Variants in CUL9 observed in about 807,000 individuals in gnomAD.
CUL9 encodes the protein cullin-9.
A neutral mutation model predicts 272.6 loss-of-function variants in CUL9; 79 were observed. The ratio of observed to expected loss-of-function variants is 0.29; its 90% CI spans 0.24 to 0.35. The LOEUF is 0.35. Among genes scored for constraint, CUL9 ranks in the 10% least tolerant of loss-of-function variants. The pLI, the probability that CUL9 is intolerant of heterozygous loss-of-function variation, is 1.00. For synonymous variants in CUL9, 1,186 were observed against 1,286.5 expected, an observed-to-expected ratio of 0.92 and a Z score of 1.67; for missense variants, 2,532 against 3,255.6, an observed-to-expected ratio of 0.78 and a Z score of 5.41.
In CUL9 at chr6:43,213,658, C is replaced by T. The variant is rs897979502; in HGVS notation, c.5489-55C>T. The T allele has an allele frequency of 3.2e-5, 52 of 1,606,224 alleles. No individual in the cohort carries two copies. In the Admixed American group the frequency reaches 6.5e-4, roughly 20 times the overall value. Reference sequence around the variant, plus strand: ...ACTGTGAGAATGGGGTCATCTTAGTCCCCATTCATCTGTCCCTCTGCCTCC... The same window carrying T: ...ACTGTGAGAATGGGGTCATCTTAGTTCCCATTCATCTGTCCCTCTGCCTCC... On this transcript the variant is annotated intron_variant, in intron 28 of 40. Transcript: ENST00000252050. This position sits in a 1 kb window ranked among gnomAD's most constrained non-coding sequence, Gnocchi z 5.7.
At chr6:43,195,148 A>G (rs1773887575) in intron 9 of CUL9, among the ~76,000 whole-genome samples, 1 of 152,196 alleles carries the variant, frequency 6.6e-6, no homozygotes, top group Non-Finnish European at 1.5e-5. Flanking sequence ...GTGTAACTAC[A>G]GGGAGAAAGC....
chr6:43,206,778 G>A lies in CUL9; in HGVS notation c.5212+268G>A, dbSNP rs1775079123. Among the ~76,000 whole-genome samples the A allele has an allele frequency of 6.6e-6, 1 of 152,118 alleles. No individual in the cohort carries two copies. The highest frequency in any genetic ancestry group is 1.5e-5 in the Non-Finnish European group (1 of 68,030). ...TTTTCAGACTTTTTTCCAAATAAAA[G>A]TGTTTAAGACTATTCATTTCCCTCT... On this transcript the variant is annotated intron_variant, in intron 26 of 40. Transcript: ENST00000252050. The surrounding 1 kb of genome is among the most constrained non-coding windows in gnomAD (Gnocchi z 4.8).
rs774405809 is a variant in CUL9, at chr6:43,223,359, C to G, written c.7246C>G (p.Gln2416Glu). The part of the protein sequence containing the change: ...STGMELLRRI[Q>E]ERLLAILQHS... ...GGGCATGGAGCTGCTCCGGCGGATC[C>G]AGGAGAGGCTGCTTGCCATCCTGCA... Residue 2416 changes from glutamine (Q) to glutamate (E), a missense_variant, in exon 39 of 41, where the codon CAG becomes GAG. Transcript: ENST00000252050. This position sits in a 1 kb window ranked among gnomAD's most constrained non-coding sequence, Gnocchi z 4.1. 1 of 1,601,450 alleles carries G rather than the reference C, an allele frequency of 6.2e-7. No homozygotes were observed. Among genetic ancestry groups the G allele is most frequent in the African/African-American group, 1.3e-5 (1 of 74,836 alleles).
rs1774434771 is a variant in CUL9 at position 43,200,564 on chromosome 6, A to C, written c.3475+38A>C. On this transcript the variant is annotated intron_variant, in intron 15 of 40. Transcript: ENST00000252050. The surrounding 1 kb of genome is among the most constrained non-coding windows in gnomAD (Gnocchi z 4.0). ...ATCTGCTTTCTCCTGGCTCCCATCCAGTGTCTGTTCTCCCCTTCCCTTCCT... is the reference window on the plus strand; with the variant it reads ...ATCTGCTTTCTCCTGGCTCCCATCCCGTGTCTGTTCTCCCCTTCCCTTCCT... The C allele has an allele frequency of 1.2e-6, 2 of 1,613,902 alleles. No individual in the cohort carries two copies. The highest frequency in any genetic ancestry group is 2.2e-5 in the South Asian group (2 of 91,062).
Position 43,204,516 on chromosome 6 carries a change from C to T in CUL9, c.4316C>T (p.Ser1439Phe), listed in dbSNP as rs756740423. Residue 1439 changes from serine to phenylalanine, a missense_variant, in exon 21 of 41, where the codon TCT (serine) becomes TTT (phenylalanine). Ser to Phe is a radical substitution (Grantham distance 155). Transcript: ENST00000252050. ...CATGTGGAACCTCCTCCTGGGCCTT[C>T]TCCTGAGCCATCCACTCGGCCCTGT... ...LVHVEPPPGPSPEPSTRPFSK... is the reference protein window; with the variant it reads ...LVHVEPPPGPFPEPSTRPFSK... 1 of 1,614,144 alleles carries T rather than the reference C, an allele frequency of 6.2e-7. No individual in the cohort carries two copies. Among genetic ancestry groups the T allele is most frequent in the East Asian group, 2.2e-5 (1 of 44,866 alleles).
Position 43,203,355 on chromosome 6 carries a change from G to C in CUL9, c.3850-62G>C, listed in dbSNP as rs1257677399. The C allele has an allele frequency of 1.2e-6, 2 of 1,606,258 alleles. No homozygotes were observed. Among genetic ancestry groups the C allele is most frequent in the African/African-American group, 2.7e-5 (2 of 74,746 alleles). The stretch of plus-strand genomic sequence containing the variant: ...TAGGGAGCTCAGGGCAGGAGGCTTG[G>C]CTTTGGTAGTACTTAGTGGCTCAAG... On this transcript the variant is annotated intron_variant, in intron 18 of 40. Transcript: ENST00000252050. The surrounding 1 kb of genome is among the most constrained non-coding windows in gnomAD (Gnocchi z 5.0).
Position 43,204,830 on chromosome 6 carries a change from G to A in CUL9, c.4422G>A (p.Gln1474=), listed in dbSNP as rs1293074515. 1.2e-6 allele frequency: 2 copies of A among 1,614,224 alleles called. No homozygotes were observed. Among genetic ancestry groups the A allele is most frequent in the Admixed American group, 1.7e-5 (1 of 60,034 alleles). The part of the protein sequence containing the change: ...LPSSSLRNIT[Q]CWLSVVQEQV... ...GCAGCAGCCTGAGGAACATAACCCAGTGCTGGCTGAGCGTGGTGCAGGAGC... is the reference window on the plus strand; with the variant it reads ...GCAGCAGCCTGAGGAACATAACCCAATGCTGGCTGAGCGTGGTGCAGGAGC... Residue 1474 remains glutamine (Q), a synonymous_variant, in exon 22 of 41, where the codon CAG becomes CAA. Coordinates refer to ENST00000252050, the MANE Select transcript of CUL9 (RefSeq NM_015089.4).
In CUL9 at chr6:43,200,661, A is replaced by G; in HGVS notation, c.3476-2A>G. On this transcript the variant is annotated splice_acceptor_variant, in intron 15 of 40. Transcript: ENST00000252050. LOFTEE classifies it high-confidence loss of function. The surrounding 1 kb of genome is among the most constrained non-coding windows in gnomAD (Gnocchi z 4.0). ...CTGCCACCCCTTCCCACTTGCCCCC[A>G]GGCTCCAGTGTGGAAGTGAAGGAGG... 1 of 1,613,900 alleles carries G rather than the reference A, an allele frequency of 6.2e-7. No individual in the cohort carries two copies. Among genetic ancestry groups the G allele is most frequent in the Non-Finnish European group, 8.5e-7 (1 of 1,179,964 alleles).
In CUL9 at chr6:43,188,090, G is replaced by C; in HGVS notation, c.1959G>C (p.Leu653=). The change falls in exon 7 of 41, where the codon CTG becomes CTC. Residue 653 remains leucine, a synonymous_variant. Coordinates refer to ENST00000252050, the MANE Select transcript of CUL9 (RefSeq NM_015089.4). ...NQLLVTEGMT[L]PTEMKEAASE... ...TTCTGGTGACTGAGGGGATGACCCT[G>C]CCCACTGAGATGAAGGAGGCAGCCA... The C allele has an allele frequency of 1.2e-6, 2 of 1,613,826 alleles. No homozygotes were observed. The highest frequency in any genetic ancestry group is 1.7e-6 in the Non-Finnish European group (2 of 1,180,020).
chr6:43,217,262 T>C (rs963778393), intron 31 of CUL9, among the ~76,000 whole-genome samples: 2 of 151,902 alleles, frequency 1.3e-5, no homozygotes, highest in Non-Finnish European at 2.9e-5. Context: ...GAGGCTGAAG[T>C]GGGAGGATCA....
chr6:43,223,456 G>A lies in CUL9; in HGVS notation c.7284+59G>A. ...ATTCTGCGGGAGTTGAGGTCCTCCT[G>A]TCCCAGCACAGCCCCTGCCCTGGGG... On this transcript the variant is annotated intron_variant, in intron 39 of 40. Coordinates refer to ENST00000252050, the MANE Select transcript of CUL9 (RefSeq NM_015089.4). The surrounding 1 kb of genome is among the most constrained non-coding windows in gnomAD (Gnocchi z 4.1). 1 of 1,528,512 alleles carries A rather than the reference G, an allele frequency of 6.5e-7. No homozygotes were observed. The highest frequency in any genetic ancestry group is 8.8e-7 in the Non-Finnish European group (1 of 1,130,210). The allele number at this position is 1,528,512 out of a possible 1,614,324, so 94.7% of individuals were successfully genotyped here. A position where few individuals can be genotyped will look rare whatever the true frequency, so the allele number is the denominator to read the frequency against.
intron 9 of CUL9, 89 bp downstream of exon 9, chr6:43,193,297 A>C: frequency 9.0e-7 from 1 of 1,115,646 alleles, no homozygotes. Flanking sequence ...TTGGTGCTTC[A>C]GATCAGTGAG....
Position 43,222,789 on chromosome 6 carries a change from A to C in CUL9, c.7043A>C (p.Tyr2348Ser). 1 of 1,613,880 alleles carries C rather than the reference A, an allele frequency of 6.2e-7. No individual in the cohort carries two copies. Among genetic ancestry groups the C allele is most frequent in the East Asian group, 2.2e-5 (1 of 44,870 alleles). The change falls in exon 38 of 41, where the codon TAC becomes TCC. Residue 2348 changes from tyrosine to serine, a missense_variant. By Grantham distance (144) the Tyr-to-Ser change is moderately radical. Coordinates refer to ENST00000252050, the MANE Select transcript of CUL9 (RefSeq NM_015089.4). The stretch of plus-strand genomic sequence containing the variant: ...TGGGAGCCCCTGCAGGTGCTGGCCT[A>C]CGCCTGCGTGTACAGCTTCTACAGC... ...GLEQARKVLA[Y>S]ACVYSFYSQD...
At position 43,186,170 on chromosome 6, in the gene CUL9, C is replaced by A. The variant is rs1029937050; in HGVS notation, c.966C>A (p.Asn322Lys). Residue 322 changes from asparagine (N) to lysine (K), a missense_variant, in exon 4 of 41, where the codon AAC becomes AAA. Physicochemically the swap from Asn to Lys is moderately conservative, Grantham distance 94 (BLOSUM62 0). Coordinates refer to ENST00000252050, the MANE Select transcript of CUL9 (RefSeq NM_015089.4). Reference sequence around the variant, plus strand: ...TGCGGAGCATGGGCTGGGCCCGGAACCTCAGCGAACAGGGCATGTCACCTC... The same window carrying A: ...TGCGGAGCATGGGCTGGGCCCGGAAACTCAGCGAACAGGGCATGTCACCTC... ...ELVRSMGWAR[N>K]LSEQGMSPPR... 1.2e-6 allele frequency: 2 copies of A among 1,614,218 alleles called. No homozygotes were observed. The highest frequency in any genetic ancestry group is 4.5e-5 in the East Asian group (2 of 44,884).
chr6:43,187,626 T>C (rs1022964261), intron 6 of CUL9, 87 bp from the exon 7 acceptor site: 2 of 1,438,614 alleles, frequency 1.4e-6, no homozygotes, highest in Non-Finnish European at 1.9e-6. Context: ...TGTGGGGGCA[T>C]GGTAGGGAGT....
intron 26 of CUL9, among the ~76,000 whole-genome samples, chr6:43,210,381 T>A (rs1582398679): frequency 6.6e-6 from 1 of 152,246 alleles, no homozygotes; most frequent in African/African-American, 2.4e-5. Context: ...GGCAGGCATG[T>A]ACTTCCCAAG....
At chr6:43,202,304 CAGCATGAA>C (rs1774667816) in intron 16 of CUL9, among the ~76,000 whole-genome samples, 1 of 152,142 alleles carries the variant, frequency 6.6e-6, no homozygotes, top group African/African-American at 2.4e-5. Context: ...GTTGGGGACA[CAGCATGAA>C]AGCTCAGGAG....
intron 23 of CUL9, 66 bp from the exon 24 acceptor site, chr6:43,205,197 C>T (rs542096159): frequency 6.9e-6 from 11 of 1,590,500 alleles, no homozygotes; most frequent in African/African-American, 4.0e-5. Flanking sequence ...CACCTCCTTT[C>T]GCTCCCCAGT....
rs770501597 is a variant in CUL9 at position 43,213,129 on chromosome 6, T to C, written c.5213-20T>C. The stretch of plus-strand genomic sequence containing the variant: ...TTCGCCCATTCTGTGTCTCCACCCT[T>C]CTCCTTGACACTTGCCTAGGTCAGA... On this transcript the variant is annotated intron_variant, in intron 26 of 40. Coordinates refer to ENST00000252050, the MANE Select transcript of CUL9 (RefSeq NM_015089.4). The surrounding 1 kb of genome is among the most constrained non-coding windows in gnomAD (Gnocchi z 5.7). The C allele has an allele frequency of 2.4e-5, 38 of 1,611,874 alleles. No individual in the cohort carries two copies. The Admixed American group carries it at 3.5e-4, about 15-fold the overall frequency.
Sources: allele counts gnomAD v4.1 joint callset (sites outside exome capture counted in the v4.1 genomes callset), GRCh38; gene constraint gnomAD v4.1.1; non-coding constraint Gnocchi (gnomAD v3.1); transcripts MANE v1.5; gene names NCBI Gene and HGNC (gene_info 2026-07-23, HGNC 2026-07-21).